PDGFC: variants seen among roughly 807,000 people sequenced by gnomAD.
The protein encoded by PDGFC is platelet-derived growth factor C.
A neutral mutation model predicts 35.5 loss-of-function variants in PDGFC; 12 were observed. The observed-to-expected ratio is 0.34, with a 90% CI of 0.22 to 0.55. The LOEUF (loss-of-function observed/expected upper bound fraction) is 0.55. Among genes scored for constraint, PDGFC ranks in the 20% least tolerant of loss-of-function variants. The probability of loss-of-function intolerance (pLI) is 0.91; values close to 1 mark genes in which losing one functional copy is unlikely to be tolerated. For synonymous variants in PDGFC, 159 were observed against 148.8 expected (o/e 1.07, Z -0.50); for missense variants, 322 against 412.4 (o/e 0.78, Z 1.90).
rs148884331 is a variant in PDGFC at position 156,966,927 on chromosome 4, C to T, written c.118+3859G>A. ...CCACATAATAGAGCTTTTTAATCAC[C>T]TACTGTGAAAAGACAAAATTCATCA... is the stretch of plus-strand genomic sequence containing the variant. On this transcript the variant is annotated intron_variant, in intron 1 of 5. Coordinates refer to ENST00000502773, the MANE Select transcript of PDGFC (RefSeq NM_016205.3). Among the ~76,000 whole-genome samples the T allele has an allele frequency of 1.6e-3, 249 of 152,110 alleles. 3 individuals are homozygous for T. Among genetic ancestry groups the T allele is most frequent in the East Asian group, 0.01 (52 of 5,176 alleles).
intron 1 of PDGFC, among the ~76,000 whole-genome samples, chr4:156,945,624 G>T (rs894364577): frequency 6.6e-6 from 1 of 151,834 alleles, no homozygotes; most frequent in African/African-American, 2.4e-5. Context: ...GTTTAGCTCA[G>T]GAAGTGGATG....
At chr4:156,880,873 G>T (rs1046438774) in intron 1 of PDGFC, among the ~76,000 whole-genome samples, 1 of 152,210 alleles carries the variant, frequency 6.6e-6, no homozygotes, top group South Asian at 2.1e-4. Flanking sequence ...TTATGGATGA[G>T]CAAAGAAAGT....
chr4:156,790,149 A>G (rs1731254674), intron 3 of PDGFC, among the ~76,000 whole-genome samples: 1 of 152,186 alleles, frequency 6.6e-6, no homozygotes, highest in East Asian at 1.9e-4. Context: ...TAGTGTATGT[A>G]TCTGTAAGAC....
At chr4:156,791,206 T>C (rs1731292456) in intron 3 of PDGFC, among the ~76,000 whole-genome samples, 2 of 152,162 alleles carry the variant, frequency 1.3e-5, no homozygotes, top group South Asian at 2.1e-4. Flanking sequence ...CTATCATCCA[T>C]TCATTCACTT....
At chr4:156,838,533 GA>G (rs1425933482) in intron 2 of PDGFC, among the ~76,000 whole-genome samples, 1 of 152,178 alleles carries the variant, frequency 6.6e-6, no homozygotes, top group African/African-American at 2.4e-5. Context: ...AGGACAGCCT[GA>G]TAGAGAATGA....
chr4:156,777,007 C>T (rs1269055872), intron 3 of PDGFC, among the ~76,000 whole-genome samples: 1 of 152,104 alleles, frequency 6.6e-6, no homozygotes, highest in Non-Finnish European at 1.5e-5. Context: ...ATATAATAAA[C>T]AACTTAGTAA....
chr4:156,931,098 C>T (rs1010050863), intron 1 of PDGFC, among the ~76,000 whole-genome samples: 1 of 152,038 alleles, frequency 6.6e-6, no homozygotes. Flanking sequence ...GCAGTAAAAT[C>T]ATTCTGAATA....
chr4:156,945,338 CATACATATATATATAT>C (rs1731914720), intron 1 of PDGFC, among the ~76,000 whole-genome samples: 3 of 37,452 alleles, frequency 8.0e-5, no homozygotes, highest in African/African-American at 1.4e-4. Context: ...TATACATATA[CATACATATATATATAT>C]ATATATATAT....
intron 2 of PDGFC, among the ~76,000 whole-genome samples, chr4:156,841,804 C>T (rs1425595049): frequency 6.6e-6 from 1 of 152,032 alleles, no homozygotes; most frequent in African/African-American, 2.4e-5. Context: ...CCACACCTGG[C>T]CTCAGGCAGT....
At chr4:156,768,114 C>A in intron 4 of PDGFC, 124 bp from the exon 5 acceptor site, 1 of 670,898 alleles carries the variant, frequency 1.5e-6, no homozygotes, top group Admixed American at 2.5e-5. Context: ...ATAACAATAT[C>A]CGCTCTTATT....
intron 1 of PDGFC, among the ~76,000 whole-genome samples, chr4:156,898,750 T>C (rs1730694343): frequency 6.6e-6 from 1 of 152,142 alleles, no homozygotes; most frequent in South Asian, 2.1e-4. Flanking sequence ...CCTCAACTTC[T>C]CTTGGGCCAA....
At chr4:156,842,948 C>G (rs1729239359) in intron 2 of PDGFC, among the ~76,000 whole-genome samples, 1 of 152,116 alleles carries the variant, frequency 6.6e-6, no homozygotes, top group African/African-American at 2.4e-5. Flanking sequence ...ACTTAGATTA[C>G]TTCTTATTTA....
intron 1 of PDGFC, among the ~76,000 whole-genome samples, chr4:156,956,264 G>T (rs772093419): frequency 1.3e-5 from 2 of 151,972 alleles, no homozygotes; most frequent in African/African-American, 4.8e-5. Flanking sequence ...TAGAAGACTG[G>T]GGTGACAGCA....
At chr4:156,776,305 G>A (rs10517652) in intron 3 of PDGFC, among the ~76,000 whole-genome samples, 2 of 151,924 alleles carry the variant, frequency 1.3e-5, no homozygotes, top group Non-Finnish European at 1.5e-5. Flanking sequence ...TGCAAAATAC[G>A]CCTTGACTTG....
At chr4:156,796,082 T>C (rs1463053748) in intron 3 of PDGFC, among the ~76,000 whole-genome samples, 1 of 152,192 alleles carries the variant, frequency 6.6e-6, no homozygotes, top group Non-Finnish European at 1.5e-5. Context: ...ATAGATGTTG[T>C]GCTCCAAGCT....
chr4:156,786,504 T>G (rs1731132260), intron 3 of PDGFC, among the ~76,000 whole-genome samples: 1 of 152,142 alleles, frequency 6.6e-6, no homozygotes, highest in Non-Finnish European at 1.5e-5. Context: ...GCAAATAATC[T>G]GTTTGGAAGT....
chr4:156,778,134 AG>A (rs1730875823), intron 3 of PDGFC: 1 of 265,064 alleles, frequency 3.8e-6, no homozygotes, highest in Non-Finnish European at 7.9e-6. Context: ...ATAAAAAATA[AG>A]GCAAATGAAC....
intron 2 of PDGFC, among the ~76,000 whole-genome samples, chr4:156,820,007 T>C (rs1732203958): frequency 6.6e-6 from 1 of 152,182 alleles, no homozygotes; most frequent in African/African-American, 2.4e-5. Flanking sequence ...GCACAGGTGG[T>C]GGAAATAGCA....
At chr4:156,926,703 T>C (rs1731423350) in intron 1 of PDGFC, among the ~76,000 whole-genome samples, 1 of 152,218 alleles carries the variant, frequency 6.6e-6, no homozygotes, top group South Asian at 2.1e-4. Flanking sequence ...CAGCTCCGCC[T>C]CTGTGTTTTA....
Sources: gnomAD v4.1 joint callset for allele counts (sites outside exome capture counted in the v4.1 genomes callset) on GRCh38, gnomAD v4.1.1 for gene constraint, MANE v1.5 for transcripts, NCBI Gene and HGNC (gene_info 2026-07-23, HGNC 2026-07-21) for gene names.